Variants in HINT3 observed in about 807,000 individuals in gnomAD.
HINT3 encodes the protein histidine triad nucleotide binding protein 3.
HINT3 carries 16 observed loss-of-function variants against 19.1 expected under a neutral mutation model. The ratio of observed to expected loss-of-function variants is 0.84; its 90% CI spans 0.57 to 1.27. HINT3 has a LOEUF of 1.27. Ranked by LOEUF, HINT3 falls within the 50% of genes most tolerant of loss-of-function variation. The pLI is 0.00. For synonymous variants in HINT3, 75 were observed against 84.8 expected (o/e 0.88, Z 0.63); for missense variants, 197 against 225.8 (o/e 0.87, Z 0.82).
At chr6:125,973,270 G>A (rs1045911296) in intron 3 of HINT3, among the ~76,000 whole-genome samples, 2 of 151,462 alleles carry the variant, frequency 1.3e-5, no homozygotes, top group East Asian at 3.9e-4. Flanking sequence ...GTAGAGACAG[G>A]GTTTTGCTAT....
chr6:125,962,187 CACATAT>C (rs1788938048), intron 1 of HINT3, among the ~76,000 whole-genome samples: 1 of 59,056 alleles, frequency 1.7e-5, no homozygotes, highest in African/African-American at 1.1e-4. Context: ...TATATATATA[CACATAT>C]ATATATATAT....
chr6:125,977,532 A>G (rs918725713), intron 4 of HINT3, 112 bp from the exon 5 acceptor site: 4 of 495,380 alleles, frequency 8.1e-6, no homozygotes, highest in African/African-American at 4.0e-5. Flanking sequence ...TTAGGAACAG[A>G]ATATATAGTA....
chr6:125,963,350 A>T (rs555645445), intron 1 of HINT3, among the ~76,000 whole-genome samples: 37 of 152,328 alleles, frequency 2.4e-4, no homozygotes, highest in African/African-American at 7.7e-4. Context: ...ATGGATGATA[A>T]CAGAAGCAGC....
At chr6:125,969,727 G>T (rs1019367061) in intron 2 of HINT3, among the ~76,000 whole-genome samples, 12 of 152,086 alleles carry the variant, frequency 7.9e-5, no homozygotes, top group African/African-American at 2.7e-4. Context: ...GTATTCCTAC[G>T]TATTTTTGTG....
intron 1 of HINT3, among the ~76,000 whole-genome samples, chr6:125,958,303 G>A (rs534695131): frequency 1.3e-5 from 2 of 152,260 alleles, no homozygotes; most frequent in Admixed American, 6.5e-5. Flanking sequence ...GGCTGGAGAG[G>A]TAAACAAGGG....
chr6:125,960,499 A>G (rs912534354), intron 1 of HINT3, among the ~76,000 whole-genome samples: 5 of 152,138 alleles, frequency 3.3e-5, no homozygotes, highest in African/African-American at 1.2e-4. Flanking sequence ...TCTCCTAAAA[A>G]TACAAAAATT....
chr6:125,960,664 G>T (rs1020741351), intron 1 of HINT3, among the ~76,000 whole-genome samples: 6 of 144,518 alleles, frequency 4.2e-5, no homozygotes, highest in African/African-American at 7.5e-5. Context: ...CTGGGGGGGG[G>T]GAAAAAAAAA....
intron 1 of HINT3, 44 bp downstream of exon 1, chr6:125,957,222 C>G: frequency 6.6e-7 from 1 of 1,507,090 alleles, no homozygotes; most frequent in Non-Finnish European, 8.9e-7. Context: ...GACCTGGCCG[C>G]CCCTCGGAGC....
chr6:125,969,381 A>T (rs1297352183), intron 2 of HINT3, among the ~76,000 whole-genome samples: 1 of 152,086 alleles, frequency 6.6e-6, no homozygotes, highest in Non-Finnish European at 1.5e-5. Flanking sequence ...TTTTTGTACC[A>T]CTATCATGCT....
chr6:125,974,878 A>G lies in HINT3; in HGVS notation c.421A>G (p.Ile141Val), dbSNP rs943963042. Residue 141 changes from isoleucine (I) to valine (V), a missense_variant, in exon 4 of 5, where the codon ATT becomes GTT. Coordinates refer to ENST00000229633, the MANE Select transcript of HINT3 (RefSeq NM_138571.5). Reference protein sequence around the residue: ...MGFHMPPFCSISHLHLHVLAP... With the variant: ...MGFHMPPFCSVSHLHLHVLAP... ...TTTTCATATGCCACCATTCTGTTCCATTTCCCACTTGCACCTTCATGTTCT... is the reference window on the plus strand; with the variant it reads ...TTTTCATATGCCACCATTCTGTTCCGTTTCCCACTTGCACCTTCATGTTCT... 4.3e-6 allele frequency: 7 copies of G among 1,613,666 alleles called. No homozygotes were observed. The African/African-American group carries it at 6.7e-5, about 15-fold the overall frequency.
intron 3 of HINT3, among the ~76,000 whole-genome samples, chr6:125,972,593 T>A (rs573825634): frequency 2.8e-4 from 43 of 152,044 alleles, no homozygotes; most frequent in Non-Finnish European, 4.6e-4. Context: ...GTCTACTTTT[T>A]AAAAAAAAAT....
intron 3 of HINT3, among the ~76,000 whole-genome samples, chr6:125,974,172 C>T (rs930899626): frequency 3.3e-5 from 5 of 152,110 alleles, no homozygotes; most frequent in Middle Eastern, 6.4e-3. Context: ...CTCTGCTGAG[C>T]ATAGGTGGAC....
At chr6:125,974,341 G>A (rs1248152788) in intron 3 of HINT3, among the ~76,000 whole-genome samples, 2 of 152,140 alleles carry the variant, frequency 1.3e-5, no homozygotes, top group Admixed American at 6.5e-5. Context: ...GGGTGATGAC[G>A]AAAGTTTTTT....
Position 125,956,856 on chromosome 6 carries a change from C to A in HINT3, c.-122C>A. ...TCCCTCTCCCCAAAGCCTGGATCAC[C>A]GCCCAGCGTCAGGCGAGGGGCGACG... On this transcript the variant is annotated 5_prime_UTR_variant, in exon 1 of 5. Transcript: ENST00000229633. 2.9e-6 allele frequency: 3 copies of A among 1,031,746 alleles called. No individual in the cohort carries two copies. The highest frequency in any genetic ancestry group is 4.2e-6 in the Non-Finnish European group (3 of 719,364). 63.9% of individuals were successfully genotyped at this position (1,031,746 alleles called of 1,614,324 possible).
rs143222590 is a variant in HINT3, at chr6:125,967,601, G to A, written c.319+597G>A. Among the ~76,000 whole-genome samples, 912 of 152,078 alleles carry A rather than the reference G, an allele frequency of 6.0e-3. 7 individuals carry two copies. The highest frequency in any genetic ancestry group is 0.021 in the African/African-American group (867 of 41,474). ...CCCACCTAGGCCTCCCAAAGTGCTG[G>A]GATTACAGGTGTGAGCCACCGTGCC... On this transcript the variant is annotated intron_variant, in intron 2 of 4. Transcript: ENST00000229633.
chr6:125,961,488 T>C (rs1788925732), intron 1 of HINT3, among the ~76,000 whole-genome samples: 1 of 152,228 alleles, frequency 6.6e-6, no homozygotes, highest in Admixed American at 6.5e-5. Flanking sequence ...CTGGAACTTC[T>C]GACCGACCAG....
chr6:125,969,945 C>A (rs763962772), intron 2 of HINT3, among the ~76,000 whole-genome samples: 1 of 152,162 alleles, frequency 6.6e-6, no homozygotes, highest in Non-Finnish European at 1.5e-5. Flanking sequence ...GATAGTTTGA[C>A]TCCTTTTCCT....
intron 2 of HINT3, among the ~76,000 whole-genome samples, chr6:125,969,098 G>A (rs1445758304): frequency 6.6e-6 from 1 of 152,116 alleles, no homozygotes; most frequent in Non-Finnish European, 1.5e-5. Context: ...GTCCAGAATG[G>A]TGTTTCCTAG....
At chr6:125,967,159 A>T (rs1789030289) in intron 2 of HINT3, among the ~76,000 whole-genome samples, 155 bp downstream of exon 2, 1 of 152,182 alleles carries the variant, frequency 6.6e-6, no homozygotes, top group East Asian at 1.9e-4. Flanking sequence ...TAAATTCATT[A>T]AAAAATAGTA....
Sources: allele counts gnomAD v4.1 joint callset (sites outside exome capture counted in the v4.1 genomes callset), GRCh38; gene constraint gnomAD v4.1.1; transcripts MANE v1.5; gene names NCBI Gene and HGNC (gene_info 2026-07-23, HGNC 2026-07-21).